Variants in CNTN3 observed in about 807,000 individuals in gnomAD.
CNTN3 encodes the protein contactin 3, also known as contactin-3.
Under a neutral mutation model 119.1 loss-of-function variants are expected in CNTN3, and 60 were observed. The ratio of observed to expected loss-of-function variants is 0.50; its 90% CI spans 0.41 to 0.62. The LOEUF (loss-of-function observed/expected upper bound fraction) is 0.62, where lower values mean the gene tolerates loss of function less well. Ranked by LOEUF, CNTN3 falls within the 20% of genes least tolerant of loss-of-function variation. CNTN3 has a pLI of 0.00. For synonymous variants in CNTN3, 450 were observed against 438.7 expected (o/e 1.03, Z -0.32); for missense variants, 1,101 against 1,242.4 (o/e 0.89, Z 1.71).
chr3:74,384,810 C>A (rs1283522430), intron 5 of CNTN3, among the ~76,000 whole-genome samples: 3 of 152,128 alleles, frequency 2.0e-5, no homozygotes, highest in Non-Finnish European at 4.4e-5. Flanking sequence ...TTTTCTGAGA[C>A]CATATGCTGT....
intron 5 of CNTN3, among the ~76,000 whole-genome samples, chr3:74,389,914 T>C (rs958625675): frequency 1.3e-5 from 2 of 152,140 alleles, no homozygotes; most frequent in African/African-American, 4.8e-5. Context: ...CTTCTTACTC[T>C]CTCTGAAATA....
At chr3:74,572,503 T>C (rs956422220) in intron 1 of CNTN3, among the ~76,000 whole-genome samples, 1 of 151,794 alleles carries the variant, frequency 6.6e-6, no homozygotes, top group Non-Finnish European at 1.5e-5. Flanking sequence ...CAAAATATAA[T>C]GTTAAAAGAA....
In CNTN3 at chr3:74,509,305, T is replaced by A. The variant is rs896746184; in HGVS notation, c.56-9520A>T. ...ACTCTGAATAAAAAAGTGGTGCTCC[T>A]TTCCTTTCTTTTTTTTTTTTTTTTT... On this transcript the variant is annotated intron_variant, in intron 2 of 22. Transcript: ENST00000263665. Among the ~76,000 whole-genome samples the A allele has an allele frequency of 4.1e-5, 5 of 122,678 alleles. No individual in the cohort carries two copies. In the Admixed American group the frequency reaches 4.3e-4, roughly 11 times the overall value. The allele number at this position is 122,678 out of a possible 152,430, so 80.5% of individuals were successfully genotyped here. A position where few individuals can be genotyped will look rare whatever the true frequency, so the allele number is the denominator to read the frequency against.
chr3:74,475,723 T>C (rs145235378), intron 4 of CNTN3, among the ~76,000 whole-genome samples: 13 of 152,300 alleles, frequency 8.5e-5, no homozygotes, highest in Non-Finnish European at 1.5e-4. Flanking sequence ...TTCTTCTTCA[T>C]GGATTTCATA....
Position 74,320,882 on chromosome 3 carries a change from T to C in CNTN3, c.1668+13853A>G, listed in dbSNP as rs374044681. Among the ~76,000 whole-genome samples the C allele has an allele frequency of 7.2e-5, 11 of 151,962 alleles. No homozygotes were observed. In the East Asian group the frequency reaches 1.4e-3, roughly 19 times the overall value. On this transcript the variant is annotated intron_variant, in intron 13 of 22. Coordinates refer to ENST00000263665, the MANE Select transcript of CNTN3 (RefSeq NM_020872.3). ...CAGAATCAGGATTATGTCTTGTCTA[T>C]GTCTATATCCTCAACTGGGCACAGT... is the stretch of plus-strand genomic sequence containing the variant.
chr3:74,462,364 T>C (rs1201391828), intron 4 of CNTN3, among the ~76,000 whole-genome samples: 2 of 152,082 alleles, frequency 1.3e-5, no homozygotes, highest in African/African-American at 4.8e-5. Flanking sequence ...TTAATCTTAA[T>C]CTACTCTCCT....
In CNTN3 at chr3:74,614,442, C is replaced by A. The variant is rs1242898620; in HGVS notation, c.-132G>T. On this transcript the variant is annotated 5_prime_UTR_variant, in exon 1 of 23. Transcript: ENST00000263665. The stretch of plus-strand genomic sequence containing the variant: ...CGCCCCGACGGCCCACTCGCCGCCG[C>A]CGCCGCCGCCGCCGCCGCCGCCACC... 1.5e-5 allele frequency among the ~76,000 whole-genome samples: 2 copies of A among 137,078 alleles called. No individual in the cohort carries two copies. The highest frequency in any genetic ancestry group is 3.1e-5 in the Non-Finnish European group (2 of 64,994). The allele number at this position is 137,078 out of a possible 152,430, so 89.9% of individuals were successfully genotyped here.
chr3:74,456,981 A>T (rs1395447004), intron 4 of CNTN3, among the ~76,000 whole-genome samples: 2 of 152,084 alleles, frequency 1.3e-5, no homozygotes, highest in African/African-American at 4.8e-5. Flanking sequence ...CGGCCAATAA[A>T]CACAAAATTC....
chr3:74,404,742 A>T (rs1226417081), intron 5 of CNTN3, among the ~76,000 whole-genome samples: 1 of 152,010 alleles, frequency 6.6e-6, no homozygotes, highest in Non-Finnish European at 1.5e-5. Flanking sequence ...AGATTTTTCT[A>T]CTGTGTGTTT....
intron 4 of CNTN3, among the ~76,000 whole-genome samples, chr3:74,450,546 T>A (rs907017194): frequency 1.3e-4 from 19 of 151,564 alleles, no homozygotes; most frequent in African/African-American, 2.7e-4. Context: ...AGTTTTAGGG[T>A]ACATGTGCAC....
intron 4 of CNTN3, among the ~76,000 whole-genome samples, chr3:74,470,098 T>C (rs902832451): frequency 1.3e-5 from 2 of 152,138 alleles, no homozygotes; most frequent in Admixed American, 6.5e-5. Context: ...ACACAGTGCA[T>C]GATTCCGTGT....
chr3:74,446,187 C>T (rs1446301065), intron 4 of CNTN3, among the ~76,000 whole-genome samples: 3 of 152,116 alleles, frequency 2.0e-5, no homozygotes, highest in Non-Finnish European at 2.9e-5. Context: ...TCAGTTTCCT[C>T]ATATGTAAGA....
chr3:74,439,333 C>G (rs1701922647), intron 4 of CNTN3, among the ~76,000 whole-genome samples: 1 of 152,052 alleles, frequency 6.6e-6, no homozygotes, highest in Admixed American at 6.6e-5. Flanking sequence ...ATGGCAAAAC[C>G]CCACCTCTAC....
intron 4 of CNTN3, among the ~76,000 whole-genome samples, chr3:74,482,445 G>C (rs1702779105): frequency 6.6e-6 from 1 of 151,830 alleles, no homozygotes; most frequent in African/African-American, 2.4e-5. Context: ...TGTGATAAAG[G>C]GAATCTATAA....
At chr3:74,270,827 T>C (rs1677647140) in intron 20 of CNTN3, among the ~76,000 whole-genome samples, 1 of 152,190 alleles carries the variant, frequency 6.6e-6, no homozygotes, top group African/African-American at 2.4e-5. Flanking sequence ...TCATATCCTA[T>C]AGGTTTTTCC....
chr3:74,415,751 C>T (rs2106878975), intron 5 of CNTN3, among the ~76,000 whole-genome samples: 1 of 152,298 alleles, frequency 6.6e-6, no homozygotes, highest in African/African-American at 2.4e-5. Flanking sequence ...TTAATCTCTG[C>T]CCCTGGTCTC....
chr3:74,448,675 A>C (rs1702091698), intron 4 of CNTN3, among the ~76,000 whole-genome samples: 1 of 152,176 alleles, frequency 6.6e-6, no homozygotes, highest in Admixed American at 6.6e-5. Context: ...AATAACATAC[A>C]CAGAGGCAGA....
chr3:74,272,833 A>C (rs1327587917), intron 20 of CNTN3, among the ~76,000 whole-genome samples: 4 of 152,182 alleles, frequency 2.6e-5, no homozygotes, highest in Non-Finnish European at 5.9e-5. Flanking sequence ...TAGTATTTAA[A>C]AAGGAGGGTG....
intron 11 of CNTN3, among the ~76,000 whole-genome samples, chr3:74,344,920 G>T (rs1703655595): frequency 6.6e-6 from 1 of 151,998 alleles, no homozygotes; most frequent in Non-Finnish European, 1.5e-5. Context: ...ATACAACTGA[G>T]GAGGGGATCA....
Sources: gnomAD v4.1 joint callset for allele counts (sites outside exome capture counted in the v4.1 genomes callset) on GRCh38, gnomAD v4.1.1 for gene constraint, MANE v1.5 for transcripts, NCBI Gene and HGNC (gene_info 2026-07-23, HGNC 2026-07-21) for gene names.